The following ZNF8 variants were observed in gnomAD, a reference collection of about 807,000 sequenced individuals.
The protein encoded by ZNF8 is zinc finger protein 272.
In ZNF8, 9 loss-of-function variants were observed where a neutral mutation model predicts 12.2. The ratio of observed to expected loss-of-function variants is 0.73; its 90% CI spans 0.44 to 1.28. ZNF8 has a LOEUF of 1.28. ZNF8 is among the 50% of genes most tolerant of loss of function. ZNF8 has a pLI of 0.00. For missense variants in ZNF8, 664 were observed against 729.1 expected, an observed-to-expected ratio of 0.91 and a Z score of 1.03; for synonymous variants, 274 against 282.3, an observed-to-expected ratio of 0.97 and a Z score of 0.30.
In ZNF8 at chr19:58,278,996, T is replaced by A; in HGVS notation, c.-86T>A. The A allele has an allele frequency of 7.5e-7, 1 of 1,340,774 alleles. No individual in the cohort carries two copies. The highest frequency in any genetic ancestry group is 9.6e-7 in the Non-Finnish European group (1 of 1,036,574). The allele number at this position is 1,340,774 out of a possible 1,614,324, so 83.1% of individuals were successfully genotyped here. ...CGGTGCGGCCGCCATTGTCCGGCGTTCGGCGAGTCGGGTGGTCCCTTTGGC... is the reference window on the plus strand; with the variant it reads ...CGGTGCGGCCGCCATTGTCCGGCGTACGGCGAGTCGGGTGGTCCCTTTGGC... On this transcript the variant is annotated 5_prime_UTR_variant, in exon 1 of 4. Coordinates refer to ENST00000621650, the MANE Select transcript of ZNF8 (RefSeq NM_021089.3).
At position 58,294,323 on chromosome 19, in the gene ZNF8, G is replaced by C; in HGVS notation, c.515G>C (p.Gly172Ala). The change falls in exon 4 of 4, where the codon GGC becomes GCC. Residue 172 changes from glycine (G) to alanine (A), a missense_variant. Gly to Ala is a moderately conservative substitution (Grantham distance 60). Transcript: ENST00000621650. The surrounding 1 kb of genome is among the most constrained non-coding windows in gnomAD (Gnocchi z 5.5). ...AAGGAAGCACCAGTTCAAGATCAAG[G>C]CTACAAAACTCTCAGACTCAGGGAA... ...GLKEAPVQDQ[G>A]YKTLRLRENC... 6.2e-7 allele frequency: 1 copy of C among 1,614,128 alleles called. No homozygotes were observed. Among genetic ancestry groups the C allele is most frequent in the South Asian group, 1.1e-5 (1 of 91,084 alleles).
At chr19:58,281,347 A>G (rs2051349564) in intron 1 of ZNF8, among the ~76,000 whole-genome samples, 1 of 152,196 alleles carries the variant, frequency 6.6e-6, no homozygotes, top group African/African-American at 2.4e-5. Context: ...ACATCAGAGC[A>G]CAGCCCCACC....
At position 58,295,685 on chromosome 19, in the gene ZNF8, T is replaced by TG. The variant is rs1346164694; in HGVS notation, c.*151dup. 5.7e-6 allele frequency: 4 copies of TG among 706,462 alleles called. No individual in the cohort carries two copies. The highest frequency in any genetic ancestry group is 9.2e-6 in the Non-Finnish European group (4 of 433,806). 43.8% of individuals were successfully genotyped at this position (706,462 alleles called of 1,614,324 possible). A position where few individuals can be genotyped will look rare whatever the true frequency, so the allele number is the denominator to read the frequency against. On this transcript the variant is annotated 3_prime_UTR_variant, in exon 4 of 4. Transcript: ENST00000621650. ...ATGATGCTTCCCAAGCACCCGAGGT[T>TG]GGTTGGTCCCAAATCTATCAAACTC...
intron 3 of ZNF8, among the ~76,000 whole-genome samples, chr19:58,293,359 C>T (rs1485955207): frequency 6.6e-6 from 1 of 152,170 alleles, no homozygotes; most frequent in African/African-American, 2.4e-5. Context: ...TCGATACGTT[C>T]CTTCAGCATT....
Position 58,300,478 on chromosome 19 carries a change from T to G in ZNF8, c.*4942T>G, listed in dbSNP as rs1201044475. The G allele has an allele frequency of 1.3e-5, 2 of 152,276 alleles. No homozygotes were observed. Among genetic ancestry groups the G allele is most frequent in the Non-Finnish European group, 2.9e-5 (2 of 68,080 alleles). The allele number at this position is 152,276 out of a possible 1,614,324, so 9.4% of individuals were successfully genotyped here. A position where few individuals can be genotyped will look rare whatever the true frequency, so the allele number is the denominator to read the frequency against. The stretch of plus-strand genomic sequence containing the variant: ...AGAAGCCTGCAGCACATGCCCCCCT[T>G]AGTCTCACTGGCCACAGATGGGTCA... On this transcript the variant is annotated 3_prime_UTR_variant, in exon 4 of 4. Transcript: ENST00000621650.
Position 58,295,482 on chromosome 19 carries a change from G to T in ZNF8, c.1674G>T (p.Val558=). 6.2e-7 allele frequency: 1 copy of T among 1,611,688 alleles called. No homozygotes were observed. The highest frequency in any genetic ancestry group is 8.5e-7 in the Non-Finnish European group (1 of 1,178,874). Residue 558 remains valine, a synonymous_variant, in exon 4 of 4, where the codon GTG becomes GTT. Transcript: ENST00000621650. ...AAAACCCTGTGCACGTTATTGGGGT[G>T]GAAGAGCCTTCTGTGGGTGCTTCCA... is the stretch of plus-strand genomic sequence containing the variant. The part of the protein sequence containing the change: ...QEKNPVHVIG[V]EEPSVGASML...
At chr19:58,288,829 T>A (rs1361373829) in intron 3 of ZNF8, among the ~76,000 whole-genome samples, 1 of 152,212 alleles carries the variant, frequency 6.6e-6, no homozygotes, top group African/African-American at 2.4e-5. Flanking sequence ...GTGAATCTGC[T>A]GCAGACCCTG....
rs766870084 is a variant in ZNF8, at chr19:58,286,152, A to T, written c.236A>T (p.Gln79Leu). 1.9e-6 allele frequency: 3 copies of T among 1,614,136 alleles called. No individual in the cohort carries two copies. The Admixed American group carries it at 5.0e-5, about 27-fold the overall frequency. ...CCTGAAGTCATCTCCCAGCTGGAGC[A>T]AGGGACCGAGCTATGGGTGGCTGAG... The part of the protein sequence containing the change: ...PKPEVISQLE[Q>L]GTELWVAERG... Residue 79 changes from glutamine to leucine, a missense_variant, in exon 3 of 4, where the codon CAA (glutamine) becomes CTA (leucine). Gln to Leu is a moderately radical substitution (Grantham distance 113). Around this residue, in one of 3 missense-constraint regions of ZNF8, gnomAD observed 306 missense variants for 308.7 expected, o/e 0.99. Coordinates refer to ENST00000621650, the MANE Select transcript of ZNF8 (RefSeq NM_021089.3).
chr19:58,294,524 G>T lies in ZNF8; in HGVS notation c.716G>T (p.Ser239Ile). ...GENSDCHRDSSQAIPITELTK... is the reference protein window; with the variant it reads ...GENSDCHRDSIQAIPITELTK... ...AACAGTGACTGTCACAGAGATTCCA[G>T]TCAGGCCATTCCAATTACGGAACTC... The change falls in exon 4 of 4, where the codon AGT becomes ATT. Residue 239 changes from serine to isoleucine, a missense_variant. By Grantham distance (142) the Ser-to-Ile change is moderately radical. This residue lies in a region of ZNF8 where 306 missense variants were observed against 308.7 expected (regional missense o/e 0.99). Transcript: ENST00000621650. The surrounding 1 kb of genome is among the most constrained non-coding windows in gnomAD (Gnocchi z 5.5). The T allele has an allele frequency of 6.2e-7, 1 of 1,614,204 alleles. No individual in the cohort carries two copies.
At position 58,295,039 on chromosome 19, in the gene ZNF8, T is replaced by C; in HGVS notation, c.1231T>C (p.Ser411Pro). The change falls in exon 4 of 4, where the codon TCC (serine) becomes CCC (proline). Residue 411 changes from serine (S) to proline (P), a missense_variant. Around this residue, in one of 3 missense-constraint regions of ZNF8, gnomAD observed 225 missense variants for 222.0 expected, o/e 1.01. Coordinates refer to ENST00000621650, the MANE Select transcript of ZNF8 (RefSeq NM_021089.3). Reference protein sequence around the residue: ...HCGKGFRHSSSLAQHQRKHAG... With the variant: ...HCGKGFRHSSPLAQHQRKHAG... ...CGGGAAGGGCTTCAGGCACAGCTCA[T>C]CCCTGGCCCAGCACCAGCGGAAGCA... 1 of 1,613,964 alleles carries C rather than the reference T, an allele frequency of 6.2e-7. No homozygotes were observed. Among genetic ancestry groups the C allele is most frequent in the South Asian group, 1.1e-5 (1 of 91,082 alleles).
chr19:58,294,516 A>T lies in ZNF8; in HGVS notation c.708A>T (p.Arg236Ser). 6.2e-7 allele frequency: 1 copy of T among 1,614,194 alleles called. No individual in the cohort carries two copies. Among genetic ancestry groups the T allele is most frequent in the South Asian group, 1.1e-5 (1 of 91,082 alleles). ...CCGGTGAAAACAGTGACTGTCACAGAGATTCCAGTCAGGCCATTCCAATTA... is the reference window on the plus strand; with the variant it reads ...CCGGTGAAAACAGTGACTGTCACAGTGATTCCAGTCAGGCCATTCCAATTA... ...KQPGENSDCH[R>S]DSSQAIPITE... Residue 236 changes from arginine to serine, a missense_variant, in exon 4 of 4, where the codon AGA becomes AGT. Coordinates refer to ENST00000621650, the MANE Select transcript of ZNF8 (RefSeq NM_021089.3). The surrounding 1 kb of genome is among the most constrained non-coding windows in gnomAD (Gnocchi z 5.5).
chr19:58,296,118 C>T lies in ZNF8; in HGVS notation c.*582C>T, dbSNP rs551834274. ...ATTTCTGGGAAATTCTGGGTAAATT[C>T]CAAGCATGCAGCAATTAGTTTGTGC... On this transcript the variant is annotated 3_prime_UTR_variant, in exon 4 of 4. Coordinates refer to ENST00000621650, the MANE Select transcript of ZNF8 (RefSeq NM_021089.3). 1.0e-3 allele frequency: 159 copies of T among 152,716 alleles called. No homozygotes were observed. The highest frequency in any genetic ancestry group is 1.8e-3 in the Non-Finnish European group (120 of 68,382). 9.5% of individuals were successfully genotyped at this position (152,716 alleles called of 1,614,324 possible).
At position 58,289,208 on chromosome 19, in the gene ZNF8, C is replaced by T. The variant is rs144327550; in HGVS notation, c.289+3003C>T. ...CAATCTAGGTGGCTTGAAAAAGCACCGATTTGGCTGGACGCAGTGGCTCAC... is the reference window on the plus strand; with the variant it reads ...CAATCTAGGTGGCTTGAAAAAGCACTGATTTGGCTGGACGCAGTGGCTCAC... On this transcript the variant is annotated intron_variant, in intron 3 of 3. Coordinates refer to ENST00000621650, the MANE Select transcript of ZNF8 (RefSeq NM_021089.3). 2.2e-3 allele frequency among the ~76,000 whole-genome samples: 342 copies of T among 152,228 alleles called. 2 individuals are homozygous for T. Among genetic ancestry groups the T allele is most frequent in the African/African-American group, 8.0e-3 (332 of 41,548 alleles).
Position 58,299,427 on chromosome 19 carries a change from G to A in ZNF8, c.*3891G>A, listed in dbSNP as rs758662163. On this transcript the variant is annotated 3_prime_UTR_variant, in exon 4 of 4. Coordinates refer to ENST00000621650, the MANE Select transcript of ZNF8 (RefSeq NM_021089.3). ...GCGCCTGGCCCCAAAACAGCAATTT[G>A]AATAACCATGTTGGAATGGTTGAGC... The A allele has an allele frequency of 1.4e-5, 2 of 146,730 alleles. No individual in the cohort carries two copies. Among genetic ancestry groups the A allele is most frequent in the Non-Finnish European group, 1.5e-5 (1 of 66,402 alleles). 9.1% of individuals were successfully genotyped at this position (146,730 alleles called of 1,614,324 possible). A position where few individuals can be genotyped will look rare whatever the true frequency, so the allele number is the denominator to read the frequency against.
At chr19:58,285,486 G>A (rs919916090) in intron 1 of ZNF8, among the ~76,000 whole-genome samples, 2 of 152,172 alleles carry the variant, frequency 1.3e-5, no homozygotes, top group Non-Finnish European at 2.9e-5. Context: ...ATGTAGGTCA[G>A]CTCTGCCTGG....
chr19:58,282,336 CT>C (rs1468369927), intron 1 of ZNF8, among the ~76,000 whole-genome samples: 6 of 152,010 alleles, frequency 3.9e-5, no homozygotes, highest in African/African-American at 1.5e-4. Context: ...ACTGGGTTGT[CT>C]TTTTATTACT....
chr19:58,282,800 G>C (rs10420807), intron 1 of ZNF8, among the ~76,000 whole-genome samples: 41,711 of 151,198 alleles, frequency 0.28, 6,302 homozygotes, highest in African/African-American at 0.41. Flanking sequence ...GCTAATTTTT[G>C]ATATTTTAGT....
rs929834479 is a variant in ZNF8 at position 58,295,794 on chromosome 19, T to G, written c.*258T>G. The G allele has an allele frequency of 4.9e-6, 2 of 411,192 alleles. No homozygotes were observed. Among genetic ancestry groups the G allele is most frequent in the Admixed American group, 4.0e-5 (1 of 24,708 alleles). 25.5% of individuals were successfully genotyped at this position (411,192 alleles called of 1,614,324 possible). On this transcript the variant is annotated 3_prime_UTR_variant, in exon 4 of 4. Transcript: ENST00000621650. ...ACAGGTAATATAACCTACCCACCTG[T>G]GTAATGTCAAAAAAAATCAATATGC...
Position 58,295,264 on chromosome 19 carries a change from C to T in ZNF8, c.1456C>T (p.Gln486Ter). The change falls in exon 4 of 4, where the codon CAG becomes TAG. Residue 486 changes from glutamine to a stop codon, truncating the protein, a stop_gained. Coordinates refer to ENST00000621650, the MANE Select transcript of ZNF8 (RefSeq NM_021089.3). LOFTEE classifies it low-confidence loss of function (END_TRUNC). ...TCAGAGCTCTCACCTCATCCGGCACCAGATAACTCACACCAGAGAGGAGCA... is the reference window on the plus strand; with the variant it reads ...TCAGAGCTCTCACCTCATCCGGCACTAGATAACTCACACCAGAGAGGAGCA... ...FIQSSHLIRH[Q>*]ITHTREEQPH... 2 of 1,614,224 alleles carry T rather than the reference C, an allele frequency of 1.2e-6. No individual in the cohort carries two copies. Among genetic ancestry groups the T allele is most frequent in the Non-Finnish European group, 8.5e-7 (1 of 1,180,036 alleles).
Sources: allele counts gnomAD v4.1 joint callset (sites outside exome capture counted in the v4.1 genomes callset), GRCh38; gene constraint gnomAD v4.1.1; regional missense constraint gnomAD v4.1.1; non-coding constraint Gnocchi (gnomAD v3.1); transcripts MANE v1.5; gene names NCBI Gene and HGNC (gene_info 2026-07-23, HGNC 2026-07-21).